Variants in MICAL2 observed in about 807,000 individuals in gnomAD.
The protein encoded by MICAL2 is [F-actin]-monooxygenase MICAL2.
Under a neutral mutation model 127.3 loss-of-function variants are expected in MICAL2, and 77 were observed. That is an observed-to-expected ratio of 0.60 (90% CI 0.50 to 0.73). The LOEUF is 0.73. Ranked by LOEUF, MICAL2 falls within the 30% of genes least tolerant of loss-of-function variation. The pLI, the probability that MICAL2 is intolerant of heterozygous loss-of-function variation, is 0.00. For synonymous variants in MICAL2, 570 were observed against 551.1 expected, an observed-to-expected ratio of 1.03 and a Z score of -0.48; for missense variants, 1,351 against 1,434.4, an observed-to-expected ratio of 0.94 and a Z score of 0.94.
chr11:12,359,425 G>A (rs899506803), downstream of MICAL2, among the ~76,000 whole-genome samples: 2 of 151,892 alleles, frequency 1.3e-5, no homozygotes, highest in African/African-American at 4.8e-5. Flanking sequence ...ACACACTAGG[G>A]TACAAGAGAA....
At chr11:12,122,492 T>C (rs1472221304) in intron 1 of MICAL2, among the ~76,000 whole-genome samples, 2 of 152,220 alleles carry the variant, frequency 1.3e-5, no homozygotes, top group African/African-American at 4.8e-5. Context: ...CACTGCAACC[T>C]CTGCTTCCCA....
downstream of MICAL2, among the ~76,000 whole-genome samples, chr11:12,288,266 C>A (rs1461659796): frequency 6.6e-6 from 1 of 152,238 alleles, no homozygotes; most frequent in Non-Finnish European, 1.5e-5. Flanking sequence ...GCCTTTACTG[C>A]CCTGCTCTGG....
chr11:12,117,335 C>G (rs377650392), intron 1 of MICAL2, among the ~76,000 whole-genome samples: 1 of 152,190 alleles, frequency 6.6e-6, no homozygotes, highest in Non-Finnish European at 1.5e-5. Context: ...AAGGTCTTGA[C>G]GCACACAGCC....
chr11:12,237,272 C>G (rs964517), intron 16 of MICAL2, among the ~76,000 whole-genome samples: 103,746 of 152,098 alleles, frequency 0.68, 37,414 homozygotes, highest in Middle Eastern at 0.87. Flanking sequence ...TTCAAAACAC[C>G]CTGGGTTGAA....
At chr11:12,288,787 C>G (rs1863858416), downstream of MICAL2, among the ~76,000 whole-genome samples, 1 of 152,174 alleles carries the variant, frequency 6.6e-6, no homozygotes, top group Admixed American at 6.5e-5. Context: ...GAGGGCGCTC[C>G]AAGACTTTGA....
At chr11:12,354,732 G>C in intron 33 of MICAL2, 1 of 1,527,102 alleles carries the variant, frequency 6.5e-7, no homozygotes, top group Admixed American at 1.7e-5. Context: ...ATTCATCAAT[G>C]TTTCCTCACA....
At chr11:12,148,054 C>T (rs776774785) in intron 2 of MICAL2, among the ~76,000 whole-genome samples, 10 of 152,132 alleles carry the variant, frequency 6.6e-5, no homozygotes, top group Non-Finnish European at 8.8e-5. Flanking sequence ...CTTAAGATCC[C>T]GCCCTGGTAC....
intron 3 of MICAL2, among the ~76,000 whole-genome samples, chr11:12,187,768 A>G (rs1314234140): frequency 6.6e-6 from 1 of 152,068 alleles, no homozygotes; most frequent in Non-Finnish European, 1.5e-5. Context: ...CCTCCCTGAA[A>G]GCCCAGGTTG....
intron 1 of MICAL2, among the ~76,000 whole-genome samples, chr11:12,122,412 C>A (rs925980774): frequency 3.3e-5 from 5 of 152,138 alleles, no homozygotes; most frequent in African/African-American, 1.2e-4. Context: ...CCTTTAATAA[C>A]TTTTAATTGT....
chr11:12,124,986 C>T (rs1206267806), intron 1 of MICAL2, among the ~76,000 whole-genome samples: 1 of 152,246 alleles, frequency 6.6e-6, no homozygotes, highest in Non-Finnish European at 1.5e-5. Context: ...CTAGGTTAGT[C>T]CCTGTTTCTA....
Position 12,259,795 on chromosome 11 carries a change from G to A in MICAL2, c.3232G>A (p.Glu1078Lys). 1 of 1,538,072 alleles carries A rather than the reference G, an allele frequency of 6.5e-7. No homozygotes were observed. The highest frequency in any genetic ancestry group is 8.8e-7 in the Non-Finnish European group (1 of 1,140,684). Residue 1078 changes from glutamate to lysine, a missense_variant and splice_region_variant, in exon 26 of 28, where the codon GAG becomes AAG. By Grantham distance (56) the Glu-to-Lys change is moderately conservative. Transcript: ENST00000683283. The stretch of plus-strand genomic sequence containing the variant: ...GCCCTCATTTCCATCTCTTTCTCAG[G>A]AGGAGGCAACATGGCAAGAGCAGGA... ...RRAELKQQRE[E>K]EATWQEQEAP... is the part of the protein sequence containing the mutation.
chr11:12,350,459 C>A (rs1846201093), intron 33 of MICAL2, among the ~76,000 whole-genome samples: 1 of 152,174 alleles, frequency 6.6e-6, no homozygotes, highest in African/African-American at 2.4e-5. Flanking sequence ...CTGAAGGTCA[C>A]TATACCTGTC....
At position 12,259,837 on chromosome 11, in the gene MICAL2, A is replaced by G. The variant is rs772940944; in HGVS notation, c.3274A>G (p.Thr1092Ala). The part of the protein sequence containing the change: ...WQEQEAPRRD[T>A]PTESSCAVAA... ...AGAGCAGGAAGCCCCTCGGAGAGACACTCCCACCGAAAGTTCTTGCGCAGT... is the reference window on the plus strand; with the variant it reads ...AGAGCAGGAAGCCCCTCGGAGAGACGCTCCCACCGAAAGTTCTTGCGCAGT... The change falls in exon 26 of 28, where the codon ACT becomes GCT. Residue 1092 changes from threonine to alanine, a missense_variant. This residue lies in a region of MICAL2 where 752 missense variants were observed against 719.4 expected (regional missense o/e 1.05). Transcript: ENST00000683283. 2.5e-6 allele frequency: 4 copies of G among 1,593,182 alleles called. No individual in the cohort carries two copies. The highest frequency in any genetic ancestry group is 4.5e-5 in the East Asian group (2 of 44,484).
chr11:12,166,852 T>C (rs1044358560), intron 3 of MICAL2, among the ~76,000 whole-genome samples: 2 of 152,008 alleles, frequency 1.3e-5, no homozygotes, highest in Non-Finnish European at 2.9e-5. Flanking sequence ...GCTTGGCAGA[T>C]GAGTAGGAGT....
intron 5 of MICAL2, 120 bp from the exon 6 acceptor site, chr11:12,209,377 T>G (rs552098610): frequency 5.0e-6 from 4 of 795,034 alleles, no homozygotes; most frequent in Non-Finnish European, 8.8e-6. Context: ...CCCTGGAGGC[T>G]CTCTCTGTGA....
chr11:12,251,266 G>A (rs4573664), intron 22 of MICAL2, among the ~76,000 whole-genome samples: 7 of 6,702 alleles, frequency 1.0e-3, no homozygotes, highest in East Asian at 0.014. Flanking sequence ...TTGAGGAGCA[G>A]TGAGCTAGCA....
At chr11:12,222,577 C>T in intron 10 of MICAL2, 40 bp from the exon 11 acceptor site, 1 of 1,613,394 alleles carries the variant, frequency 6.2e-7, no homozygotes, top group Non-Finnish European at 8.5e-7. Context: ...CCTGAGGTGG[C>T]AAAAGTGATC....
At chr11:12,150,376 G>T (rs555670808) in intron 2 of MICAL2, among the ~76,000 whole-genome samples, 2 of 151,992 alleles carry the variant, frequency 1.3e-5, no homozygotes, top group Admixed American at 6.6e-5. Context: ...GCAGTGAGCC[G>T]TGACCGTACC....
At chr11:12,255,536 A>G in intron 22 of MICAL2, 107 bp from the exon 23 acceptor site, 1 of 929,026 alleles carries the variant, frequency 1.1e-6, no homozygotes, top group South Asian at 1.5e-5. Flanking sequence ...TGCTATTTGC[A>G]TGTGGGTGAG....
Sources: gnomAD v4.1 joint callset for allele counts (sites outside exome capture counted in the v4.1 genomes callset) on GRCh38, gnomAD v4.1.1 for gene constraint, gnomAD v4.1.1 regional missense constraint, MANE v1.5 for transcripts, NCBI Gene and HGNC (gene_info 2026-07-23, HGNC 2026-07-21) for gene names.